The following TEC variants were observed in gnomAD, a reference collection of about 807,000 sequenced individuals.
The protein encoded by TEC is tec protein tyrosine kinase.
A neutral mutation model predicts 93.0 loss-of-function variants in TEC; 72 were observed. That is an observed-to-expected ratio of 0.77 (90% CI 0.64 to 0.94). The LOEUF is 0.94. TEC is among the 40% of genes least tolerant of loss of function. TEC has a pLI of 0.00. For synonymous variants in TEC, 249 were observed against 247.7 expected, an observed-to-expected ratio of 1.01 and a Z score of -0.05; for missense variants, 630 against 757.9, an observed-to-expected ratio of 0.83 and a Z score of 1.98.
chr4:48,199,659 A>AAACT (rs1722432623), intron 2 of TEC, among the ~76,000 whole-genome samples: 1 of 151,820 alleles, frequency 6.6e-6, no homozygotes, highest in Admixed American at 6.5e-5. Flanking sequence ...AGTAGAAATG[A>AAACT]GGTTTCACCA....
chr4:48,175,982 C>A, intron 3 of TEC, 100 bp downstream of exon 3: 1 of 847,456 alleles, frequency 1.2e-6, no homozygotes, highest in Non-Finnish European at 1.9e-6. Flanking sequence ...GCAAATGAAC[C>A]TACAAATCAG....
At chr4:48,221,773 C>T (rs945380303) in intron 2 of TEC, among the ~76,000 whole-genome samples, 1 of 152,116 alleles carries the variant, frequency 6.6e-6, no homozygotes, top group African/African-American at 2.4e-5. Context: ...AAAGTTCCAA[C>T]CCTCTAATCA....
At chr4:48,237,802 C>A (rs1311010297) in intron 1 of TEC, among the ~76,000 whole-genome samples, 1 of 152,216 alleles carries the variant, frequency 6.6e-6, no homozygotes, top group Non-Finnish European at 1.5e-5. Context: ...TATTTCACAT[C>A]TCATCACAGG....
chr4:48,139,085 T>C (rs1199057804), intron 15 of TEC, 63 bp from the exon 16 acceptor site: 22 of 1,383,870 alleles, frequency 1.6e-5, no homozygotes, highest in Non-Finnish European at 2.1e-5. Flanking sequence ...CTACTTGCTC[T>C]TTCATTTTTT....
intron 12 of TEC, 58 bp downstream of exon 12, chr4:48,146,267 A>G: frequency 6.6e-7 from 1 of 1,519,206 alleles, no homozygotes; most frequent in African/African-American, 1.4e-5. Context: ...AATTTATCTT[A>G]TGACAATGGA....
intron 2 of TEC, among the ~76,000 whole-genome samples, chr4:48,180,868 G>A (rs1577728207): frequency 6.6e-6 from 1 of 152,304 alleles, no homozygotes; most frequent in South Asian, 2.1e-4. Flanking sequence ...AAGAGTGAGT[G>A]TTGACAGGGA....
chr4:48,188,658 C>G (rs141306705), intron 2 of TEC, among the ~76,000 whole-genome samples: 1 of 152,050 alleles, frequency 6.6e-6, no homozygotes, highest in African/African-American at 2.4e-5. Context: ...AACATGCACG[C>G]GTATGTGTGC....
chr4:48,154,612 G>A (rs997648224), intron 9 of TEC, among the ~76,000 whole-genome samples: 1 of 152,072 alleles, frequency 6.6e-6, no homozygotes, highest in Non-Finnish European at 1.5e-5. Flanking sequence ...TTCTAGTTTA[G>A]AGGTTATTTA....
chr4:48,208,373 C>T (rs192409202), intron 2 of TEC, among the ~76,000 whole-genome samples: 3 of 152,222 alleles, frequency 2.0e-5, no homozygotes, highest in South Asian at 2.1e-4. Flanking sequence ...TGTGCCCTGG[C>T]GTGGCAACAT....
chr4:48,249,226 T>C (rs1425861700), intron 1 of TEC, among the ~76,000 whole-genome samples: 1 of 152,210 alleles, frequency 6.6e-6, no homozygotes, highest in African/African-American at 2.4e-5. Flanking sequence ...TATATTAACA[T>C]TTCATAATGG....
At chr4:48,140,722 T>G (rs1719623186) in intron 15 of TEC, among the ~76,000 whole-genome samples, 1 of 152,220 alleles carries the variant, frequency 6.6e-6, no homozygotes, top group East Asian at 1.9e-4. Context: ...CATAATATTC[T>G]TTTCATTTTT....
At chr4:48,168,065 C>G in intron 6 of TEC, 112 bp from the exon 7 acceptor site, 1 of 904,414 alleles carries the variant, frequency 1.1e-6, no homozygotes, top group Non-Finnish European at 1.7e-6. Context: ...AACTTCAAGT[C>G]TACTTACTAT....
chr4:48,144,022 C>T (rs1366357628), intron 14 of TEC, among the ~76,000 whole-genome samples: 1 of 151,936 alleles, frequency 6.6e-6, no homozygotes, highest in African/African-American at 2.4e-5. Flanking sequence ...CTCAAGAGTT[C>T]GAGACCAGTC....
chr4:48,178,790 G>A (rs887798791), intron 2 of TEC, among the ~76,000 whole-genome samples: 2 of 152,084 alleles, frequency 1.3e-5, no homozygotes, highest in African/African-American at 2.4e-5. Flanking sequence ...TATCCAAACC[G>A]GGAAGCATGC....
At chr4:48,193,001 A>G (rs1050190365) in intron 2 of TEC, among the ~76,000 whole-genome samples, 8 of 152,148 alleles carry the variant, frequency 5.3e-5, no homozygotes, top group Non-Finnish European at 8.8e-5. Flanking sequence ...CCTGGCACCT[A>G]GCAGGTGCCC....
chr4:48,268,214 C>G (rs190455241), intron 1 of TEC, among the ~76,000 whole-genome samples: 1 of 152,334 alleles, frequency 6.6e-6, no homozygotes. Flanking sequence ...CATTAATATT[C>G]TATATCCTTT....
chr4:48,158,044 C>T (rs976487705), intron 8 of TEC, among the ~76,000 whole-genome samples: 1 of 152,310 alleles, frequency 6.6e-6, no homozygotes, highest in Admixed American at 6.5e-5. Context: ...CAGTCATATA[C>T]CCTGAGAATT....
chr4:48,227,723 G>A (rs1707589227), intron 2 of TEC, among the ~76,000 whole-genome samples: 2 of 151,640 alleles, frequency 1.3e-5, no homozygotes, highest in Admixed American at 6.6e-5. Flanking sequence ...GGTTAGCCAT[G>A]GGCAACCCAG....
chr4:48,161,598 CTTTTT>C (rs34780131), intron 8 of TEC, among the ~76,000 whole-genome samples: 4 of 130,116 alleles, frequency 3.1e-5, no homozygotes, highest in Admixed American at 1.5e-4. Flanking sequence ...CTGCCAGAGG[CTTTTT>C]TTTTTTTTTT....
Sources: allele counts gnomAD v4.1 joint callset (sites outside exome capture counted in the v4.1 genomes callset), GRCh38; gene constraint gnomAD v4.1.1; transcripts MANE v1.5; gene names NCBI Gene and HGNC (gene_info 2026-07-23, HGNC 2026-07-21).